The following TOP6BL variants were observed in gnomAD, a reference collection of about 807,000 sequenced individuals.
TOP6BL encodes the protein TOP6B like initiator of meiotic double strand breaks, also known as type 2 DNA topoisomerase 6 subunit B-like.
At chr11:66,818,054 TC>T in the TOP6BL span, among the ~76,000 whole-genome samples, 1 of 152,096 alleles carries the variant, frequency 6.6e-6, no homozygotes, top group African/African-American at 2.4e-5. Flanking sequence ...TTCTGATATG[TC>T]TCTGTTCTCC....
the TOP6BL span, among the ~76,000 whole-genome samples, chr11:66,787,712 T>TC: frequency 2.1e-5 from 3 of 142,732 alleles, no homozygotes; most frequent in Admixed American, 7.2e-5. Flanking sequence ...AGAGTAAGAC[T>TC]CCGACTCAAA....
At chr11:66,822,713 C>A in the TOP6BL span, 5 of 1,432,504 alleles carry the variant, frequency 3.5e-6, no homozygotes, top group Non-Finnish European at 3.8e-6. Flanking sequence ...TTAAAAGTGC[C>A]AGGGTTTTGG....
At chr11:66,826,264 C>T in the TOP6BL span, among the ~76,000 whole-genome samples, 1 of 152,052 alleles carries the variant, frequency 6.6e-6, no homozygotes. Context: ...ATATTTGTAA[C>T]CAAAGCATTC....
chr11:66,752,402 T>C, the TOP6BL span, among the ~76,000 whole-genome samples: 2 of 152,180 alleles, frequency 1.3e-5, no homozygotes, highest in Admixed American at 6.5e-5. Context: ...ATCTTTCTGA[T>C]TACTCTGTAT....
the TOP6BL span, among the ~76,000 whole-genome samples, chr11:66,829,674 C>T: frequency 6.6e-6 from 1 of 151,564 alleles, no homozygotes. Context: ...GATTACTTGA[C>T]CCCAGGAGTT....
chr11:66,836,298 GCTCCACCTC>G, the TOP6BL span, among the ~76,000 whole-genome samples: 8 of 151,762 alleles, frequency 5.3e-5, no homozygotes, highest in Non-Finnish European at 8.8e-5. Flanking sequence ...CTCACTGCAA[GCTCCACCTC>G]CCGGATTCAC....
the TOP6BL span, among the ~76,000 whole-genome samples, chr11:66,764,932 C>G: frequency 6.6e-6 from 1 of 151,472 alleles, no homozygotes; most frequent in Non-Finnish European, 1.5e-5. Context: ...TGCGCCACTG[C>G]ACTACAGCCT....
the TOP6BL span, chr11:66,788,236 G>A: frequency 8.1e-6 from 13 of 1,613,776 alleles, no homozygotes; most frequent in South Asian, 8.8e-5. Flanking sequence ...CTCAGGATAT[G>A]ACAGGGGTAA....
At chr11:66,842,132 G>A in the TOP6BL span, among the ~76,000 whole-genome samples, 2 of 152,164 alleles carry the variant, frequency 1.3e-5, no homozygotes, top group Non-Finnish European at 2.9e-5. Flanking sequence ...GAGCCCAGGA[G>A]GTCGAGGCTG....
chr11:66,772,770 AT>A, the TOP6BL span, among the ~76,000 whole-genome samples: 1 of 152,196 alleles, frequency 6.6e-6, no homozygotes, highest in East Asian at 1.9e-4. Flanking sequence ...ATTTGCCATA[AT>A]TTTATTAAGA....
At chr11:66,768,356 C>T in the TOP6BL span, among the ~76,000 whole-genome samples, 7 of 151,886 alleles carry the variant, frequency 4.6e-5, no homozygotes, top group African/African-American at 9.7e-5. Context: ...ATTTATCTAA[C>T]GCTTTTTCCC....
chr11:66,820,575 C>G, the TOP6BL span, among the ~76,000 whole-genome samples: 1 of 152,108 alleles, frequency 6.6e-6, no homozygotes, highest in South Asian at 2.1e-4. Context: ...AGATAATCTC[C>G]CATTTAAAAG....
the TOP6BL span, among the ~76,000 whole-genome samples, chr11:66,791,351 ATCT>A: frequency 2.0e-5 from 3 of 152,214 alleles, no homozygotes; most frequent in South Asian, 2.1e-4. Context: ...ATTTTATAAG[ATCT>A]TCTTGACAGC....
At chr11:66,815,074 C>T in the TOP6BL span, among the ~76,000 whole-genome samples, 22 of 152,104 alleles carry the variant, frequency 1.4e-4, no homozygotes, top group Non-Finnish European at 2.8e-4. Flanking sequence ...AGGTATTCTG[C>T]GGCTATGACT....
At chr11:66,838,569 G>C in the TOP6BL span, 1 of 812,508 alleles carries the variant, frequency 1.2e-6, no homozygotes, top group Non-Finnish European at 2.0e-6. Context: ...CAATTTAGTG[G>C]GCTGTTGCTG....
the TOP6BL span, among the ~76,000 whole-genome samples, chr11:66,818,661 A>T: frequency 6.6e-6 from 1 of 152,146 alleles, no homozygotes; most frequent in African/African-American, 2.4e-5. Context: ...TATCTTTAAC[A>T]TGAGATTGTT....
chr11:66,821,033 T>C, the TOP6BL span, among the ~76,000 whole-genome samples: 1 of 152,316 alleles, frequency 6.6e-6, no homozygotes, highest in East Asian at 1.9e-4. Flanking sequence ...GAAGTAGTTA[T>C]CCTCGCTCAT....
At chr11:66,825,731 T>TGCATA in the TOP6BL span, among the ~76,000 whole-genome samples, 8 of 152,148 alleles carry the variant, frequency 5.3e-5, no homozygotes, top group Admixed American at 5.2e-4. Flanking sequence ...AGTGTCAAAG[T>TGCATA]GCATAGCATA....
At chr11:66,836,286 G>A in the TOP6BL span, among the ~76,000 whole-genome samples, 4 of 151,820 alleles carry the variant, frequency 2.6e-5, no homozygotes, top group African/African-American at 4.8e-5. Flanking sequence ...GCGCTATCTC[G>A]GCTCACTGCA....
Sources: allele counts gnomAD v4.1 joint callset (sites outside exome capture counted in the v4.1 genomes callset), GRCh38; gene constraint gnomAD v4.1.1; transcripts MANE v1.5; gene names NCBI Gene and HGNC (gene_info 2026-07-23, HGNC 2026-07-21).